The following GPR160 variants were observed in gnomAD, a reference collection of about 807,000 sequenced individuals.
GPR160 encodes the protein G protein-coupled receptor 160.
Under a neutral mutation model 2.6 loss-of-function variants are expected in GPR160, and 2 were observed. The observed-to-expected ratio is 0.77, with a 90% confidence interval of 0.32 to 2.44. GPR160 has a LOEUF of 2.44. Among genes scored for constraint, GPR160 ranks in the 30% most tolerant of loss-of-function variants. The pLI, the probability that GPR160 is intolerant of heterozygous loss-of-function variation, is 0.11. For missense variants in GPR160, 351 were observed against 383.6 expected, an observed-to-expected ratio of 0.91 and a Z score of 0.71; for synonymous variants, 130 against 132.2, an observed-to-expected ratio of 0.98 and a Z score of 0.12.
chr3:170,054,635 C>T (rs1244679932), intron 2 of GPR160, among the ~76,000 whole-genome samples: 1 of 152,152 alleles, frequency 6.6e-6, no homozygotes, highest in Non-Finnish European at 1.5e-5. Flanking sequence ...CTTCCCTTCT[C>T]CTAGCTCCTG....
intron 2 of GPR160, among the ~76,000 whole-genome samples, chr3:170,064,518 T>TCTTTC (rs1405891618): frequency 1.6e-5 from 2 of 124,332 alleles, no homozygotes; most frequent in Non-Finnish European, 3.2e-5. Context: ...TCTTTTCTTT[T>TCTTTC]TTTTTTTTTT....
At chr3:170,059,498 T>C (rs1711826088) in intron 2 of GPR160, among the ~76,000 whole-genome samples, 1 of 152,238 alleles carries the variant, frequency 6.6e-6, no homozygotes, top group African/African-American at 2.4e-5. Context: ...TTAATATGTA[T>C]TGTAGTTTGA....
intron 2 of GPR160, among the ~76,000 whole-genome samples, chr3:170,064,085 C>T (rs1712152875): frequency 6.6e-6 from 1 of 151,948 alleles, no homozygotes; most frequent in African/African-American, 2.4e-5. Flanking sequence ...GTGAGTGAAG[C>T]GGCTGTATTT....
At chr3:170,067,613 C>A (rs995262659) in intron 2 of GPR160, among the ~76,000 whole-genome samples, 1 of 152,122 alleles carries the variant, frequency 6.6e-6, no homozygotes, top group African/African-American at 2.4e-5. Context: ...CTCCAATAGG[C>A]CCCTTCCATG....
chr3:170,065,293 A>T (rs1370290675), intron 2 of GPR160, among the ~76,000 whole-genome samples: 1 of 152,112 alleles, frequency 6.6e-6, no homozygotes, highest in African/African-American at 2.4e-5. Context: ...TAATTCAACC[A>T]CAGACTCTTC....
rs377616460 is a variant in GPR160, at chr3:170,066,502, C to T, written c.-192-13272C>T. On this transcript the variant is annotated intron_variant, in intron 2 of 3. Coordinates refer to ENST00000355897, the MANE Select transcript of GPR160 (RefSeq NM_014373.3). ...TGCTCTATTCTGTGTCTTGCTTTTC[C>T]CCTTAACAATGTGTCTTGGAGACAT... 2.8e-4 allele frequency among the ~76,000 whole-genome samples: 43 copies of T among 152,156 alleles called. No homozygotes were observed. The East Asian group carries it at 7.3e-3, about 26-fold the overall frequency.
chr3:170,063,880 G>A (rs1207684421), intron 2 of GPR160, among the ~76,000 whole-genome samples: 1 of 152,198 alleles, frequency 6.6e-6, no homozygotes, highest in Non-Finnish European at 1.5e-5. Flanking sequence ...TCCACCCGCT[G>A]CGGCTTTTCT....
chr3:170,058,207 G>A (rs780241019), intron 2 of GPR160, among the ~76,000 whole-genome samples: 3 of 152,196 alleles, frequency 2.0e-5, no homozygotes, highest in Non-Finnish European at 4.4e-5. Flanking sequence ...TCCAGTACGA[G>A]CTTACTTCTC....
chr3:170,084,759 G>T lies in GPR160; in HGVS notation c.787G>T (p.Val263Phe). 6.2e-7 allele frequency: 1 copy of T among 1,608,272 alleles called. No homozygotes were observed. The highest frequency in any genetic ancestry group is 8.5e-7 in the Non-Finnish European group (1 of 1,175,184). The change falls in exon 4 of 4, where the codon GTT (valine) becomes TTT (phenylalanine). Residue 263 changes from valine (V) to phenylalanine (F), a missense_variant. By Grantham distance (50) the Val-to-Phe change is conservative. Coordinates refer to ENST00000355897, the MANE Select transcript of GPR160 (RefSeq NM_014373.3). The part of the protein sequence containing the change: ...LPFVLLQVII[V>F]LLKVQIPAYI... ...ATTTGTACTACTTCAGGTAATCATT[G>T]TTTTACTTAAAGTTCAGATTCCAGC...
At chr3:170,066,463 T>C (rs1712352428) in intron 2 of GPR160, among the ~76,000 whole-genome samples, 1 of 151,968 alleles carries the variant, frequency 6.6e-6, no homozygotes. Context: ...CAAATGCAAA[T>C]CATGTGTATT....
chr3:170,043,118 T>C (rs1052185366), intron 2 of GPR160, among the ~76,000 whole-genome samples: 6 of 152,054 alleles, frequency 3.9e-5, no homozygotes, highest in Non-Finnish European at 8.8e-5. Flanking sequence ...ACTGACCTCG[T>C]GATCTGCCCG....
At chr3:170,043,184 G>A (rs935174530) in intron 2 of GPR160, among the ~76,000 whole-genome samples, 2 of 151,198 alleles carry the variant, frequency 1.3e-5, no homozygotes, top group Non-Finnish European at 2.9e-5. Context: ...TTTGTTTTTT[G>A]TTTTGTTTTG....
At chr3:170,082,260 T>G (rs188957751) in intron 3 of GPR160, among the ~76,000 whole-genome samples, 21 of 152,334 alleles carry the variant, frequency 1.4e-4, no homozygotes, top group African/African-American at 5.1e-4. Context: ...CTGTGAAAAT[T>G]TATCATGACA....
chr3:170,062,333 T>C, intron 2 of GPR160: 1 of 260,360 alleles, frequency 3.8e-6, no homozygotes, highest in Non-Finnish European at 7.5e-6. Flanking sequence ...AGCAGAGGGG[T>C]CCAGGGAGGC....
At chr3:170,064,194 ACTTAATAC>A (rs1712167376) in intron 2 of GPR160, among the ~76,000 whole-genome samples, 2 of 152,124 alleles carry the variant, frequency 1.3e-5, no homozygotes, top group Admixed American at 6.5e-5. Context: ...GAAATTACGT[ACTTAATAC>A]CCCTGCCAGT....
chr3:170,047,243 A>G (rs114464273), intron 2 of GPR160, among the ~76,000 whole-genome samples: 2,591 of 152,072 alleles, frequency 0.017, 93 homozygotes, highest in African/African-American at 0.059. Flanking sequence ...TACCTGCCAC[A>G]CCCTCACCGC....
chr3:170,076,949 CTTGAGGTTGAACT>C (rs1470134310), intron 2 of GPR160, among the ~76,000 whole-genome samples: 1 of 152,222 alleles, frequency 6.6e-6, no homozygotes, highest in Non-Finnish European at 1.5e-5. Context: ...TGAAGTCAGA[CTTGAGGTTGAACT>C]TTAGCTCCAA....
At chr3:170,075,135 G>A (rs548345597) in intron 2 of GPR160, among the ~76,000 whole-genome samples, 1 of 152,292 alleles carries the variant, frequency 6.6e-6, no homozygotes, top group South Asian at 2.1e-4. Context: ...GGCTGAGGCA[G>A]GAGAATCACT....
intron 3 of GPR160, among the ~76,000 whole-genome samples, chr3:170,081,103 A>T: frequency 6.6e-6 from 1 of 152,164 alleles, no homozygotes; most frequent in Non-Finnish European, 1.5e-5. Context: ...ATTTTTGAAA[A>T]ATGGGTCTTT....
Sources: allele counts gnomAD v4.1 joint callset (sites outside exome capture counted in the v4.1 genomes callset), GRCh38; gene constraint gnomAD v4.1.1; transcripts MANE v1.5; gene names NCBI Gene and HGNC (gene_info 2026-07-23, HGNC 2026-07-21).